SLC25A46: variants seen among roughly 807,000 people sequenced by gnomAD.
SLC25A46 encodes solute carrier family 25 member 46, also known as mitochondrial outer membrane protein SLC25A46.
Under a neutral mutation model 44.6 loss-of-function variants are expected in SLC25A46, and 39 were observed. The ratio of observed to expected loss-of-function variants is 0.87; its 90% confidence interval spans 0.68 to 1.14. The LOEUF (loss-of-function observed/expected upper bound fraction) is 1.14. SLC25A46 is among the 50% of genes most tolerant of loss of function. The pLI is 0.00. For synonymous variants in SLC25A46, 202 were observed against 185.8 expected (o/e 1.09, Z -0.71); for missense variants, 547 against 522.7 (o/e 1.05, Z -0.45).
intron 7 of SLC25A46, among the ~76,000 whole-genome samples, chr5:110,758,984 C>G (rs763704784): frequency 6.6e-6 from 1 of 152,110 alleles, no homozygotes. Context: ...AATTACATCA[C>G]TTTACCTTTC....
At chr5:110,754,429 A>G (rs530897161) in intron 5 of SLC25A46, 1 of 80,610 alleles carries the variant, frequency 1.2e-5, no homozygotes, top group South Asian at 3.7e-4. Flanking sequence ...TATAATCTTG[A>G]CTCTTTTTGG....
intron 5 of SLC25A46, among the ~76,000 whole-genome samples, chr5:110,749,698 G>A (rs1021515079): frequency 6.6e-6 from 1 of 152,044 alleles, no homozygotes; most frequent in African/African-American, 2.4e-5. Context: ...TCTTTTCTCT[G>A]TGAAGCAGGA....
chr5:110,745,149 T>C (rs114159236), intron 3 of SLC25A46, among the ~76,000 whole-genome samples: 1 of 152,290 alleles, frequency 6.6e-6, no homozygotes, highest in Non-Finnish European at 1.5e-5. Context: ...AATTATATCT[T>C]AGTAATCACT....
Position 110,761,599 on chromosome 5 carries a change from A to G in SLC25A46, c.1074A>G (p.Glu358=), listed in dbSNP as rs762830379. The G allele has an allele frequency of 1.2e-5, 20 of 1,613,660 alleles. No homozygotes were observed. Among genetic ancestry groups the G allele is most frequent in the Non-Finnish European group, 1.6e-5 (19 of 1,179,776 alleles). The change falls in exon 8 of 8, where the codon GAA becomes GAG. Residue 358 remains glutamate, a synonymous_variant. Transcript: ENST00000355943. This position sits in a 1 kb window ranked among gnomAD's most constrained non-coding sequence, Gnocchi z 5.3. ...TIIDNTDLGY[E]VLPINTQYEG... is the part of the protein sequence containing the mutation. Reference sequence around the variant, plus strand: ...TTGACAATACAGACCTTGGCTATGAAGTGCTTCCAATTAATACACAATATG... The same window carrying G: ...TTGACAATACAGACCTTGGCTATGAGGTGCTTCCAATTAATACACAATATG...
chr5:110,740,633 G>C (rs1051447920), intron 1 of SLC25A46, among the ~76,000 whole-genome samples: 9 of 152,094 alleles, frequency 5.9e-5, no homozygotes, highest in Admixed American at 2.0e-4. Context: ...ATTTTCTGTT[G>C]CTATTTGGGG....
intron 5 of SLC25A46, 53 bp from the exon 6 acceptor site, chr5:110,755,412 A>C: frequency 8.7e-7 from 1 of 1,151,112 alleles, no homozygotes; most frequent in South Asian, 1.4e-5. Flanking sequence ...CTAATTCCAG[A>C]TGTTTTAAAT....
chr5:110,762,683 C>CTGTT lies in SLC25A46; in HGVS notation c.*903_*906dup, dbSNP rs1292533693. 1 of 151,906 alleles carries CTGTT rather than the reference C, an allele frequency of 6.6e-6. No homozygotes were observed. The highest frequency in any genetic ancestry group is 1.5e-5 in the Non-Finnish European group (1 of 67,890). 9.4% of individuals were successfully genotyped at this position (151,906 alleles called of 1,614,324 possible). A position where few individuals can be genotyped will look rare whatever the true frequency, so the allele number is the denominator to read the frequency against. On this transcript the variant is annotated 3_prime_UTR_variant, in exon 8 of 8. Transcript: ENST00000355943. ...TATAAAATAATCATGACAATTACTACTGTTTCCACATTTACAAATTGTGTA... is the reference window on the plus strand; with the variant it reads ...TATAAAATAATCATGACAATTACTACTGTTTGTTTCCACATTTACAAATTGTGTA...
At chr5:110,738,345 GA>G, upstream of SLC25A46, 1 of 871,630 alleles carries the variant, frequency 1.1e-6, no homozygotes, top group Non-Finnish European at 1.5e-6. Context: ...GAGTGATTTA[GA>G]CACATCAGAA....
At position 110,764,780 on chromosome 5, in the gene SLC25A46, GAT is replaced by G. The variant is rs1016963466; in HGVS notation, c.*3000_*3001del. 1 of 151,866 alleles carries G rather than the reference GAT, an allele frequency of 6.6e-6. No homozygotes were observed. Among genetic ancestry groups the G allele is most frequent in the African/African-American group, 2.4e-5 (1 of 41,368 alleles). The allele number at this position is 151,866 out of a possible 1,614,324, so 9.4% of individuals were successfully genotyped here. A position where few individuals can be genotyped will look rare whatever the true frequency, so the allele number is the denominator to read the frequency against. On this transcript the variant is annotated 3_prime_UTR_variant, in exon 8 of 8. Transcript: ENST00000355943. ...AGCATACTTTGTCAGCTTCTAATAA[GAT>G]AGCCAGGTTTGAATTATTTGCAAAA...
rs114546039 is a variant in SLC25A46, at chr5:110,748,269, A to T, written c.563+6A>T. ...GAATTTACACCTTTGCCAAGGTACC[A>T]TTTTTAGCATTTCTTCAGTATTAGT... is the stretch of plus-strand genomic sequence containing the variant. On this transcript the variant is annotated splice_donor_region_variant and intron_variant, in intron 5 of 7. Transcript: ENST00000355943. 3,561 of 1,608,406 alleles carry T rather than the reference A, an allele frequency of 2.2e-3. 74 individuals are homozygous for T. The African/African-American group carries it at 0.041, about 19-fold the overall frequency.
rs1486907138 is a variant in SLC25A46 at position 110,761,072 on chromosome 5, A to C, written c.679-132A>C. 22 of 698,616 alleles carry C rather than the reference A, an allele frequency of 3.1e-5. No individual in the cohort carries two copies. Among genetic ancestry groups the C allele is most frequent in the Non-Finnish European group, 2.4e-5 (10 of 420,766 alleles). 43.3% of individuals were successfully genotyped at this position (698,616 alleles called of 1,614,324 possible). Reference sequence around the variant, plus strand: ...AAATCTGATGCCTAGATAACAGTTAAAGTCTGCAAATCATGGATGTTTCCC... The same window carrying C: ...AAATCTGATGCCTAGATAACAGTTACAGTCTGCAAATCATGGATGTTTCCC... On this transcript the variant is annotated intron_variant, in intron 7 of 7. Transcript: ENST00000355943. This position sits in a 1 kb window ranked among gnomAD's most constrained non-coding sequence, Gnocchi z 5.3.
chr5:110,738,421 C>T (rs1321038957), upstream of SLC25A46, among the ~76,000 whole-genome samples: 1 of 152,204 alleles, frequency 6.6e-6, no homozygotes, highest in Admixed American at 6.5e-5. Flanking sequence ...TAATTTCTAA[C>T]TCCAGGAGGA....
intron 7 of SLC25A46, among the ~76,000 whole-genome samples, chr5:110,757,687 G>A (rs1035248351): frequency 1.3e-5 from 2 of 152,028 alleles, no homozygotes; most frequent in Non-Finnish European, 2.9e-5. Context: ...CTTGCATTTG[G>A]CATTGTGTTA....
In SLC25A46 at chr5:110,739,259, C is replaced by A. The variant is rs868536854; in HGVS notation, c.140C>A (p.Pro47Gln). Residue 47 changes from proline to glutamine, a missense_variant, in exon 1 of 8, where the codon CCA becomes CAA. Transcript: ENST00000355943. ...CTGGGCCACTGGGTGACGACTCCCCCAGATATCCCCGGCAGCCGCAACCTG... is the reference window on the plus strand; with the variant it reads ...CTGGGCCACTGGGTGACGACTCCCCAAGATATCCCCGGCAGCCGCAACCTG... ...SDLGHWVTTP[P>Q]DIPGSRNLHW... 8.2e-6 allele frequency: 13 copies of A among 1,583,632 alleles called. No homozygotes were observed. The highest frequency in any genetic ancestry group is 4.6e-5 in the East Asian group (2 of 43,482).
At chr5:110,760,221 T>C (rs905759810) in intron 7 of SLC25A46, among the ~76,000 whole-genome samples, 5 of 152,078 alleles carry the variant, frequency 3.3e-5, no homozygotes, top group Admixed American at 3.3e-4. Context: ...CAAATGCAAT[T>C]CACCAGTAAT....
At chr5:110,758,573 C>T (rs183368515) in intron 7 of SLC25A46, among the ~76,000 whole-genome samples, 1 of 152,026 alleles carries the variant, frequency 6.6e-6, no homozygotes, top group East Asian at 1.9e-4. Flanking sequence ...ATCATGAGGT[C>T]AGGAGTTCGA....
At chr5:110,754,169 T>C (rs1318625083) in intron 5 of SLC25A46, 1 of 152,040 alleles carries the variant, frequency 6.6e-6, no homozygotes, top group Non-Finnish European at 1.5e-5. Flanking sequence ...GTATATGCTG[T>C]TGTTTTTCAA....
Position 110,761,099 on chromosome 5 carries a change from C to T in SLC25A46, c.679-105C>T. ...GTCTGCAAATCATGGATGTTTCCCT[C>T]TTCAGTCACTATGTTAGGATTTAAA... On this transcript the variant is annotated intron_variant, in intron 7 of 7. Coordinates refer to ENST00000355943, the MANE Select transcript of SLC25A46 (RefSeq NM_138773.4). This position sits in a 1 kb window ranked among gnomAD's most constrained non-coding sequence, Gnocchi z 5.3. 3 of 827,212 alleles carry T rather than the reference C, an allele frequency of 3.6e-6. No homozygotes were observed. The highest frequency in any genetic ancestry group is 2.5e-5 in the East Asian group (1 of 39,552). 51.2% of individuals were successfully genotyped at this position (827,212 alleles called of 1,614,324 possible).
chr5:110,743,460 A>G (rs1261904765), intron 2 of SLC25A46, among the ~76,000 whole-genome samples: 1 of 152,076 alleles, frequency 6.6e-6, no homozygotes, highest in East Asian at 1.9e-4. Context: ...ATCTTATACT[A>G]TAGACATTAA....
Sources: gnomAD v4.1 joint callset for allele counts (sites outside exome capture counted in the v4.1 genomes callset) on GRCh38, gnomAD v4.1.1 for gene constraint, Gnocchi (gnomAD v3.1) non-coding constraint, MANE v1.5 for transcripts, NCBI Gene and HGNC (gene_info 2026-07-23, HGNC 2026-07-21) for gene names.